COL14A1: variants seen among roughly 807,000 people sequenced by gnomAD.
COL14A1 encodes the protein collagen type XIV alpha 1 chain.
Under a neutral mutation model 230.3 loss-of-function variants are expected in COL14A1, and 136 were observed. The observed-to-expected ratio is 0.59, with a 90% CI of 0.51 to 0.68. COL14A1 has a LOEUF of 0.68. COL14A1 is among the 30% of genes least tolerant of loss of function. The pLI, the probability that COL14A1 is intolerant of heterozygous loss-of-function variation, is 0.00. For missense variants in COL14A1, 1,976 were observed against 2,215.8 expected, an observed-to-expected ratio of 0.89 and a Z score of 2.17; for synonymous variants, 792 against 784.1, an observed-to-expected ratio of 1.01 and a Z score of -0.17.
In COL14A1 at chr8:120,208,562, T is replaced by C. The variant is rs532106678; in HGVS notation, c.1321+201T>C. On this transcript the variant is annotated intron_variant, in intron 11 of 47. Transcript: ENST00000297848. The stretch of plus-strand genomic sequence containing the variant: ...TGCCGGTGCTATGTCTTGAAAAAGT[T>C]GTTATAAATCTCTGATAGGTTTAAG... Among the ~76,000 whole-genome samples the C allele has an allele frequency of 3.9e-5, 6 of 152,290 alleles. No homozygotes were observed. The South Asian group carries it at 6.2e-4, about 16-fold the overall frequency.
At chr8:120,340,353 A>G (rs1001104491) in intron 42 of COL14A1, among the ~76,000 whole-genome samples, 1 of 152,174 alleles carries the variant, frequency 6.6e-6, no homozygotes, top group Admixed American at 6.5e-5. Context: ...TTTTTCTGGG[A>G]AGCCAGTTTA....
At chr8:120,170,838 T>A (rs1472071408) in intron 5 of COL14A1, among the ~76,000 whole-genome samples, 2 of 152,048 alleles carry the variant, frequency 1.3e-5, no homozygotes, top group Admixed American at 1.3e-4. Context: ...TATTTAGTAC[T>A]CACATAATGC....
intron 47 of COL14A1, chr8:120,370,451 C>A: frequency 6.4e-7 from 1 of 1,566,282 alleles, no homozygotes; most frequent in Non-Finnish European, 8.6e-7. Context: ...CCACCACCAC[C>A]AAGCCCCTGC....
chr8:120,289,875 AATGGATGGATGAATGAATGGATGG>A (rs1820319610), intron 34 of COL14A1, 109 bp downstream of exon 34: 3 of 1,119,088 alleles, frequency 2.7e-6, no homozygotes, highest in Non-Finnish European at 3.8e-6. Flanking sequence ...TGAATGGATA[AATGGATGGATGAATGAATGGATGG>A]ATGGATGGAT....
intron 8 of COL14A1, among the ~76,000 whole-genome samples, chr8:120,201,343 A>T (rs1028567923): frequency 1.3e-5 from 2 of 152,120 alleles, no homozygotes; most frequent in Non-Finnish European, 2.9e-5. Flanking sequence ...GAGCCAGCTC[A>T]TGCCAGTTTG....
At chr8:120,193,932 G>A (rs1816932068) in intron 5 of COL14A1, among the ~76,000 whole-genome samples, 2 of 152,172 alleles carry the variant, frequency 1.3e-5, no homozygotes, top group Non-Finnish European at 2.9e-5. Context: ...GAGTGACCCG[G>A]TTTTCCAGGT....
At chr8:120,300,629 G>GA (rs1423287328) in intron 35 of COL14A1, 103 bp from the exon 36 acceptor site, 2 of 899,114 alleles carry the variant, frequency 2.2e-6, no homozygotes, top group Admixed American at 4.6e-5. Context: ...ATGTGCACTT[G>GA]AAAATCTAAA....
At chr8:120,274,895 T>A (rs1489076735) in intron 26 of COL14A1, among the ~76,000 whole-genome samples, 3 of 151,736 alleles carry the variant, frequency 2.0e-5, no homozygotes, top group Admixed American at 1.3e-4. Flanking sequence ...TTGAAATAAT[T>A]CTTATGAAAA....
At chr8:120,192,316 G>T (rs1563662052) in intron 5 of COL14A1, among the ~76,000 whole-genome samples, 2 of 152,072 alleles carry the variant, frequency 1.3e-5, no homozygotes, top group Non-Finnish European at 2.9e-5. Flanking sequence ...GCTTAGTTTG[G>T]CTGGATATGA....
At chr8:120,311,045 A>T (rs56283830) in intron 37 of COL14A1, among the ~76,000 whole-genome samples, 3,115 of 152,340 alleles carry the variant, frequency 0.02, 114 homozygotes, top group African/African-American at 0.071. Flanking sequence ...AATTGGAAAC[A>T]GATGAAGCAA....
intron 13 of COL14A1, among the ~76,000 whole-genome samples, chr8:120,215,658 G>A (rs1817728741): frequency 6.6e-6 from 1 of 152,108 alleles, no homozygotes; most frequent in Non-Finnish European, 1.5e-5. Flanking sequence ...AGCCAAGAGG[G>A]GATAGTGGCT....
chr8:120,149,173 A>G (rs1815190603), intron 2 of COL14A1, among the ~76,000 whole-genome samples: 1 of 152,256 alleles, frequency 6.6e-6, no homozygotes, highest in Non-Finnish European at 1.5e-5. Context: ...CTGAGCAAGG[A>G]ATTGTAAATG....
At chr8:120,142,663 G>T (rs901860407) in intron 1 of COL14A1, among the ~76,000 whole-genome samples, 1 of 152,082 alleles carries the variant, frequency 6.6e-6, no homozygotes, top group African/African-American at 2.4e-5. Flanking sequence ...TAGCATTTTG[G>T]TGGTAGGCCG....
chr8:120,251,483 C>T (rs1032753712), intron 22 of COL14A1, among the ~76,000 whole-genome samples: 6 of 152,300 alleles, frequency 3.9e-5, no homozygotes, highest in Admixed American at 1.3e-4. Flanking sequence ...ACTTCCTTCT[C>T]TACTCCTTTG....
intron 34 of COL14A1, among the ~76,000 whole-genome samples, chr8:120,293,179 T>A (rs1820425295): frequency 6.6e-6 from 1 of 152,000 alleles, no homozygotes; most frequent in Non-Finnish European, 1.5e-5. Context: ...AATCTAATAC[T>A]TAGGTAATTA....
At chr8:120,362,665 G>T (rs1490952094) in intron 45 of COL14A1, among the ~76,000 whole-genome samples, 1 of 152,194 alleles carries the variant, frequency 6.6e-6, no homozygotes, top group African/African-American at 2.4e-5. Flanking sequence ...GATGGAGGAT[G>T]TTGTACAATG....
In COL14A1 at chr8:120,313,925, C is replaced by A; in HGVS notation, c.4456-7C>A. 1.2e-6 allele frequency: 2 copies of A among 1,602,434 alleles called. No homozygotes were observed. The highest frequency in any genetic ancestry group is 1.7e-6 in the Non-Finnish European group (2 of 1,172,130). ...TTTTAGGATGATACTTCTCTCTTGC[C>A]TTCCAGGGACCAGATGGCCCTCGGG... On this transcript the variant is annotated splice_polypyrimidine_tract_variant and splice_region_variant and intron_variant, in intron 37 of 47. Transcript: ENST00000297848.
At chr8:120,156,718 G>T (rs571013721) in intron 2 of COL14A1, among the ~76,000 whole-genome samples, 176 of 152,240 alleles carry the variant, frequency 1.2e-3, no homozygotes, top group African/African-American at 3.8e-3. Context: ...TTATATTCAT[G>T]ATATCCATTA....
intron 32 of COL14A1, 58 bp from the exon 33 acceptor site, chr8:120,285,803 A>G (rs978329919): frequency 3.7e-5 from 43 of 1,156,116 alleles, no homozygotes; most frequent in Middle Eastern, 2.7e-4. Context: ...TGAATTTTAG[A>G]AAACAAAATT....
Sources: allele counts gnomAD v4.1 joint callset (sites outside exome capture counted in the v4.1 genomes callset), GRCh38; gene constraint gnomAD v4.1.1; transcripts MANE v1.5; gene names NCBI Gene and HGNC (gene_info 2026-07-23, HGNC 2026-07-21).